The following TMEM161B variants were observed in gnomAD, a reference collection of about 807,000 sequenced individuals.
TMEM161B encodes the protein transmembrane protein 161B.
A neutral mutation model predicts 61.8 loss-of-function variants in TMEM161B; 34 were observed. The ratio of observed to expected loss-of-function variants is 0.55; its 90% CI spans 0.42 to 0.73. The LOEUF (loss-of-function observed/expected upper bound fraction) is 0.73. Ranked by LOEUF, TMEM161B falls within the 30% of genes least tolerant of loss-of-function variation. The probability of loss-of-function intolerance (pLI) is 0.00; values close to 1 mark genes in which losing one functional copy is unlikely to be tolerated. For synonymous variants in TMEM161B, 167 were observed against 192.8 expected (o/e 0.87, Z 1.11); for missense variants, 456 against 558.5 (o/e 0.82, Z 1.85).
chr5:88,266,145 A>C (rs1756348877), intron 1 of TMEM161B, among the ~76,000 whole-genome samples: 1 of 152,218 alleles, frequency 6.6e-6, no homozygotes, highest in Middle Eastern at 3.2e-3. Context: ...CATAATACAA[A>C]AACCTTGTTA....
At chr5:88,245,784 C>G (rs1753524475) in intron 1 of TMEM161B, among the ~76,000 whole-genome samples, 1 of 151,894 alleles carries the variant, frequency 6.6e-6, no homozygotes, top group South Asian at 2.1e-4. Flanking sequence ...ATACTGTTGA[C>G]AGATATACCT....
downstream of TMEM161B, among the ~76,000 whole-genome samples, chr5:88,191,844 T>C (rs1321887009): frequency 2.7e-5 from 4 of 148,688 alleles, no homozygotes; most frequent in East Asian, 8.0e-4. Flanking sequence ...GTAGTCCCAG[T>C]TACTCAGGAG....
chr5:88,239,223 A>G (rs1256369086), intron 2 of TMEM161B, among the ~76,000 whole-genome samples: 1 of 152,006 alleles, frequency 6.6e-6, no homozygotes, highest in African/African-American at 2.4e-5. Context: ...TAGATGGAAA[A>G]CAGAATATGT....
In TMEM161B at chr5:88,207,014, G is replaced by C. The variant is rs778211494; in HGVS notation, c.598+15C>G. 9 of 1,608,752 alleles carry C rather than the reference G, an allele frequency of 5.6e-6. No homozygotes were observed. Among genetic ancestry groups the C allele is most frequent in the Admixed American group, 5.0e-5 (3 of 59,806 alleles). ...TAAAGCAAAATTGATTTTTAAAGTT[G>C]TATGAAACTATTACCTGTTTCAAGT... is the stretch of plus-strand genomic sequence containing the variant. On this transcript the variant is annotated intron_variant, in intron 6 of 11. Transcript: ENST00000296595.
chr5:88,264,599 C>A (rs1467714025), intron 1 of TMEM161B, among the ~76,000 whole-genome samples: 2 of 152,082 alleles, frequency 1.3e-5, no homozygotes, highest in East Asian at 3.9e-4. Flanking sequence ...ACCCAAAGGA[C>A]TATAAATCAT....
chr5:88,239,234 A>G (rs985178294), intron 2 of TMEM161B, among the ~76,000 whole-genome samples: 8 of 152,052 alleles, frequency 5.3e-5, no homozygotes, highest in African/African-American at 1.9e-4. Context: ...CAGAATATGT[A>G]ACAAGATGAA....
intron 5 of TMEM161B, among the ~76,000 whole-genome samples, chr5:88,212,805 C>T (rs541251962): frequency 1.3e-5 from 2 of 152,130 alleles, no homozygotes; most frequent in Admixed American, 6.5e-5. Context: ...CCAGCCTGGG[C>T]GATGGAGCGA....
chr5:88,225,169 A>G (rs1330437880), intron 4 of TMEM161B, among the ~76,000 whole-genome samples: 3 of 151,880 alleles, frequency 2.0e-5, no homozygotes, highest in African/African-American at 4.8e-5. Context: ...GGGTTTCACC[A>G]CATTAGCCAG....
chr5:88,222,728 A>T (rs1749231206), intron 4 of TMEM161B, among the ~76,000 whole-genome samples: 1 of 152,228 alleles, frequency 6.6e-6, no homozygotes. Context: ...ACAAATTAAG[A>T]CAGACTTTCA....
At chr5:88,203,468 T>C (rs1744797234) in intron 8 of TMEM161B, among the ~76,000 whole-genome samples, 1 of 151,844 alleles carries the variant, frequency 6.6e-6, no homozygotes. Flanking sequence ...TCAACGAATC[T>C]AATGGATTTT....
intron 10 of TMEM161B, 91 bp from the exon 11 acceptor site, chr5:88,197,856 A>G (rs1301541680): frequency 2.0e-6 from 2 of 1,023,898 alleles, no homozygotes; most frequent in Non-Finnish European, 2.9e-6. Flanking sequence ...AAAATACTTA[A>G]GAGATAATCC....
At position 88,195,889 on chromosome 5, in the gene TMEM161B, G is replaced by A; in HGVS notation, c.*322C>T. 1 of 1,067,064 alleles carries A rather than the reference G, an allele frequency of 9.4e-7. No homozygotes were observed. The highest frequency in any genetic ancestry group is 1.1e-6 in the Non-Finnish European group (1 of 882,148). 66.1% of individuals were successfully genotyped at this position (1,067,064 alleles called of 1,614,324 possible). ...GCAATCAATAACTAGAGTCATGTGAGATGTTTCAAAGACTGCTGGAGGTTT... is the reference window on the plus strand; with the variant it reads ...GCAATCAATAACTAGAGTCATGTGAAATGTTTCAAAGACTGCTGGAGGTTT... On this transcript the variant is annotated 3_prime_UTR_variant, in exon 12 of 12. Coordinates refer to ENST00000296595, the MANE Select transcript of TMEM161B (RefSeq NM_153354.5).
chr5:88,189,597 G>A (rs1380346702), downstream of TMEM161B: 2 of 154,960 alleles, frequency 1.3e-5, no homozygotes, highest in African/African-American at 4.8e-5. Flanking sequence ...GGGAGAAAGG[G>A]TGAACTGGGG....
At chr5:88,192,677 T>TTAAGACACCTAAATCTTTGC (rs1409478695), downstream of TMEM161B, among the ~76,000 whole-genome samples, 2 of 152,246 alleles carry the variant, frequency 1.3e-5, no homozygotes, top group Non-Finnish European at 2.9e-5. Flanking sequence ...ATCTGATTCC[T>TTAAGACACCTAAATCTTTGC]TAAGACACCT....
chr5:88,258,205 G>C (rs546168897), intron 1 of TMEM161B, among the ~76,000 whole-genome samples: 2 of 152,276 alleles, frequency 1.3e-5, no homozygotes, highest in South Asian at 2.1e-4. Flanking sequence ...GTGCTTATCT[G>C]TCCCTATTGA....
At chr5:88,250,752 A>G (rs1229452621) in intron 1 of TMEM161B, 3 of 152,182 alleles carry the variant, frequency 2.0e-5, no homozygotes, top group African/African-American at 7.2e-5. Flanking sequence ...CGTATCAGAG[A>G]TGGCCCTCAG....
chr5:88,231,446 A>C (rs946719107), intron 2 of TMEM161B, among the ~76,000 whole-genome samples: 1 of 152,208 alleles, frequency 6.6e-6, no homozygotes, highest in Non-Finnish European at 1.5e-5. Flanking sequence ...GTTTCAGATA[A>C]GTTGGATTAA....
chr5:88,223,562 A>G (rs1749410997), intron 4 of TMEM161B, among the ~76,000 whole-genome samples: 1 of 152,206 alleles, frequency 6.6e-6, no homozygotes, highest in Admixed American at 6.5e-5. Flanking sequence ...AAACAGTTAA[A>G]AAGAAAAAAG....
chr5:88,201,520 T>C (rs1425042935), intron 9 of TMEM161B: 1 of 152,082 alleles, frequency 6.6e-6, no homozygotes, highest in Non-Finnish European at 1.5e-5. Context: ...AGTATGAATA[T>C]CTCACATAAT....
Sources: allele counts gnomAD v4.1 joint callset (sites outside exome capture counted in the v4.1 genomes callset), GRCh38; gene constraint gnomAD v4.1.1; transcripts MANE v1.5; gene names NCBI Gene and HGNC (gene_info 2026-07-23, HGNC 2026-07-21).